ROBO2: variants seen among roughly 807,000 people sequenced by gnomAD.
ROBO2 encodes the protein roundabout homolog 2.
ROBO2 carries 53 observed loss-of-function variants against 160.8 expected under a neutral mutation model. The ratio of observed to expected loss-of-function variants is 0.33; its 90% confidence interval spans 0.26 to 0.41. ROBO2 has a LOEUF of 0.41. ROBO2 is among the 10% of genes least tolerant of loss of function. ROBO2 has a pLI of 1.00. For synonymous variants in ROBO2, 664 were observed against 611.7 expected (o/e 1.09, Z -1.26); for missense variants, 1,577 against 1,722.4 (o/e 0.92, Z 1.49).
intron 2 of ROBO2, among the ~76,000 whole-genome samples, chr3:77,150,659 A>G (rs1216792952): frequency 1.3e-5 from 2 of 152,068 alleles, no homozygotes; most frequent in Admixed American, 6.6e-5. Context: ...AAAGTTGTAG[A>G]AAAAAAGCCT....
chr3:76,200,755 C>T (rs1702484579), intron 2 of ROBO2, among the ~76,000 whole-genome samples: 1 of 152,134 alleles, frequency 6.6e-6, no homozygotes, highest in African/African-American at 2.4e-5. Flanking sequence ...CAAGAAGCAT[C>T]ATAGAACCAA....
rs560580892 is a variant in ROBO2, at chr3:76,138,372, G to A, written c.109+200770G>A. ...AAAATATTAAATGTAAATCTATATT[G>A]TATCGATATAGATTCTAAATGCACA... On this transcript the variant is annotated intron_variant, in intron 2 of 26. Transcript: ENST00000487694. Among the ~76,000 whole-genome samples the A allele has an allele frequency of 2.6e-5, 4 of 152,044 alleles. No homozygotes were observed. The East Asian group carries it at 5.8e-4, about 22-fold the overall frequency.
At chr3:76,199,947 AC>A (rs1702443167) in intron 2 of ROBO2, among the ~76,000 whole-genome samples, 1 of 151,972 alleles carries the variant, frequency 6.6e-6, no homozygotes, top group Non-Finnish European at 1.5e-5. Flanking sequence ...TGTATAGCAA[AC>A]TCTAAATACT....
intron 2 of ROBO2, among the ~76,000 whole-genome samples, chr3:75,962,991 G>A (rs1305856042): frequency 2.6e-5 from 4 of 151,680 alleles, no homozygotes; most frequent in Non-Finnish European, 4.4e-5. Flanking sequence ...TCTTTCACCT[G>A]AGTGACATTA....
chr3:76,474,747 G>A (rs1478726061), intron 2 of ROBO2, among the ~76,000 whole-genome samples: 89 of 152,114 alleles, frequency 5.9e-4, no homozygotes, highest in Non-Finnish European at 1.6e-4. Context: ...ATCCGCTGGA[G>A]ATCAGCTGAA....
intron 2 of ROBO2, among the ~76,000 whole-genome samples, chr3:76,242,463 A>T (rs1252502110): frequency 2.0e-5 from 3 of 152,204 alleles, no homozygotes; most frequent in Non-Finnish European, 2.9e-5. Flanking sequence ...TGGTAGAATC[A>T]GGGAGAAGCT....
chr3:77,589,048 C>A, intron 17 of ROBO2, 115 bp downstream of exon 18: 1 of 1,193,130 alleles, frequency 8.4e-7, no homozygotes, highest in Non-Finnish European at 1.2e-6. Context: ...TAGAAACCTG[C>A]ACTGTAAAAT....
intron 2 of ROBO2, among the ~76,000 whole-genome samples, chr3:76,210,543 A>T (rs1367676394): frequency 6.6e-6 from 1 of 152,082 alleles, no homozygotes; most frequent in Non-Finnish European, 1.5e-5. Context: ...AATCAATACC[A>T]AATTTATTTT....
At chr3:76,307,747 G>A (rs1337280456) in intron 2 of ROBO2, among the ~76,000 whole-genome samples, 1 of 152,102 alleles carries the variant, frequency 6.6e-6, no homozygotes, top group Non-Finnish European at 1.5e-5. Context: ...TAATCACGAT[G>A]TGACATTGGC....
intron 2 of ROBO2, among the ~76,000 whole-genome samples, chr3:76,688,463 T>G (rs1035313557): frequency 6.5e-4 from 99 of 152,154 alleles, no homozygotes; most frequent in Non-Finnish European, 1.6e-4. Context: ...CAGAAAGTTC[T>G]GGATTATTTC....
rs376946637 is a variant in ROBO2, at chr3:77,158,796, T to G, written c.388+60456T>G. Among the ~76,000 whole-genome samples the G allele has an allele frequency of 1.6e-4, 24 of 152,186 alleles. No individual in the cohort carries two copies. The East Asian group carries it at 4.3e-3, about 27-fold the overall frequency. On this transcript the variant is annotated intron_variant, in intron 2 of 25. Coordinates refer to ENST00000461745, the Ensembl canonical transcript of ROBO2. ...TATTCCACTTCTGATACTGCATGCA[T>G]GAACTGCCACTGTTTGATGAATCAC...
At chr3:77,396,925 C>T (rs948878292) in intron 2 of ROBO2, among the ~76,000 whole-genome samples, 1 of 151,870 alleles carries the variant, frequency 6.6e-6, no homozygotes, top group Non-Finnish European at 1.5e-5. Flanking sequence ...CCTTTGAGGT[C>T]CATAGTAAAA....
chr3:76,747,648 G>A (rs1402900809), intron 2 of ROBO2, among the ~76,000 whole-genome samples: 2 of 151,072 alleles, frequency 1.3e-5, no homozygotes, highest in Non-Finnish European at 3.0e-5. Flanking sequence ...TTATTTCTTT[G>A]GTTTTTTTAA....
At chr3:76,449,824 A>G (rs1185938247) in intron 2 of ROBO2, among the ~76,000 whole-genome samples, 8 of 152,136 alleles carry the variant, frequency 5.3e-5, no homozygotes, top group Non-Finnish European at 8.8e-5. Context: ...ACGAATAAAC[A>G]TTTTAGAGAG....
At chr3:76,198,201 C>G (rs1218303081) in intron 2 of ROBO2, among the ~76,000 whole-genome samples, 1 of 151,054 alleles carries the variant, frequency 6.6e-6, no homozygotes, top group East Asian at 2.0e-4. Context: ...TCATCACACC[C>G]TCCTCCCTCA....
chr3:76,711,422 G>C (rs1187644309), intron 2 of ROBO2, among the ~76,000 whole-genome samples: 3 of 152,078 alleles, frequency 2.0e-5, no homozygotes, highest in Admixed American at 1.3e-4. Context: ...GATTTGGGTG[G>C]GTGCACAGAG....
At chr3:77,617,632 C>T in exon 22 of ROBO2, 1 of 1,614,146 alleles carries the variant, frequency 6.2e-7, no homozygotes, top group Non-Finnish European at 8.5e-7. Flanking sequence ...CGAGGCGTGG[C>T]TTCTTCTCCT....
intron 2 of ROBO2, among the ~76,000 whole-genome samples, chr3:76,925,008 A>G (rs1468732299): frequency 2.6e-5 from 4 of 151,908 alleles, no homozygotes; most frequent in Admixed American, 6.6e-5. Context: ...GGAGATCGAG[A>G]CCATCCCGGC....
intron 2 of ROBO2, among the ~76,000 whole-genome samples, chr3:76,686,197 T>C (rs1198444364): frequency 6.6e-6 from 1 of 152,034 alleles, no homozygotes; most frequent in Non-Finnish European, 1.5e-5. Flanking sequence ...AATCAGTCGG[T>C]GTAGAGAGGA....
Sources: allele counts gnomAD v4.1 joint callset (sites outside exome capture counted in the v4.1 genomes callset), GRCh38; gene constraint gnomAD v4.1.1; transcripts MANE v1.5; gene names NCBI Gene and HGNC (gene_info 2026-07-23, HGNC 2026-07-21).